ISCA2: variants seen among roughly 807,000 people sequenced by gnomAD.
ISCA2 encodes the protein iron-sulfur cluster assembly 2 homolog, mitochondrial.
Under a neutral mutation model 19.1 loss-of-function variants are expected in ISCA2, and 21 were observed. The ratio of observed to expected loss-of-function variants is 1.10; its 90% CI spans 0.78 to 1.59. ISCA2 has a LOEUF of 1.59. ISCA2 is among the 40% of genes most tolerant of loss of function. The pLI is 0.00. For missense variants in ISCA2, 181 were observed against 191.7 expected (o/e 0.94, Z 0.33); for synonymous variants, 107 against 83.8 (o/e 1.28, Z -1.51).
In ISCA2 at chr14:74,496,366, C is replaced by G. The variant is rs958557379; in HGVS notation, c.*1366C>G. On this transcript the variant is annotated 3_prime_UTR_variant, in exon 4 of 4. Transcript: ENST00000556816. ...AATATCTGAGACAGAAACTTAGATACATTTCCAACATGGCAAAACCTAGGA... is the reference window on the plus strand; with the variant it reads ...AATATCTGAGACAGAAACTTAGATAGATTTCCAACATGGCAAAACCTAGGA... 17 of 152,182 alleles carry G rather than the reference C, an allele frequency of 1.1e-4. No homozygotes were observed. The highest frequency in any genetic ancestry group is 2.1e-4 in the Non-Finnish European group (14 of 68,048). The allele number at this position is 152,182 out of a possible 1,614,324, so 9.4% of individuals were successfully genotyped here. A position where few individuals can be genotyped will look rare whatever the true frequency, so the allele number is the denominator to read the frequency against.
chr14:74,493,951 T>C lies in ISCA2; in HGVS notation c.72-99T>C. The C allele has an allele frequency of 2.7e-6, 4 of 1,466,356 alleles. No homozygotes were observed. The highest frequency in any genetic ancestry group is 3.7e-6 in the Non-Finnish European group (4 of 1,075,094). The allele number at this position is 1,466,356 out of a possible 1,614,324, so 90.8% of individuals were successfully genotyped here. A position where few individuals can be genotyped will look rare whatever the true frequency, so the allele number is the denominator to read the frequency against. ...GATGCGAGGGTTTGGTGGGAGGCCG[T>C]CCAGGTGGGGGTCGCCAGGTTTAGC... On this transcript the variant is annotated intron_variant, in intron 1 of 3. Transcript: ENST00000556816. This position sits in a 1 kb window ranked among gnomAD's most constrained non-coding sequence, Gnocchi z 4.1.
At position 74,493,978 on chromosome 14, in the gene ISCA2, T is replaced by C; in HGVS notation, c.72-72T>C. The C allele has an allele frequency of 6.7e-7, 1 of 1,484,752 alleles. No individual in the cohort carries two copies. Among genetic ancestry groups the C allele is most frequent in the South Asian group, 1.2e-5 (1 of 82,828 alleles). 92.0% of individuals were successfully genotyped at this position (1,484,752 alleles called of 1,614,324 possible). A position where few individuals can be genotyped will look rare whatever the true frequency, so the allele number is the denominator to read the frequency against. On this transcript the variant is annotated intron_variant, in intron 1 of 3. Coordinates refer to ENST00000556816, the MANE Select transcript of ISCA2 (RefSeq NM_194279.4). This position sits in a 1 kb window ranked among gnomAD's most constrained non-coding sequence, Gnocchi z 4.1. The stretch of plus-strand genomic sequence containing the variant: ...CAGGTGGGGGTCGCCAGGTTTAGCG[T>C]GAGGCGCTCCAGGTCGAGGGTTGCA...
Position 74,494,330 on chromosome 14 carries a change from G to A in ISCA2, c.230G>A (p.Gly77Asp), listed in dbSNP as rs934278588. The change falls in exon 3 of 4, where the codon GGT becomes GAT. Residue 77 changes from glycine (G) to aspartate (D), a missense_variant. Gly to Asp is a moderately conservative substitution (Grantham distance 94). Coordinates refer to ENST00000556816, the MANE Select transcript of ISCA2 (RefSeq NM_194279.4). ...TTCCTCAGGCTGCAAGTGGAGGGAGGTGGATGCTCCGGATTCCAATACAAA... is the reference window on the plus strand; with the variant it reads ...TTCCTCAGGCTGCAAGTGGAGGGAGATGGATGCTCCGGATTCCAATACAAA... The part of the protein sequence containing the change: ...SEFLRLQVEG[G>D]GCSGFQYKFS... 1 of 1,614,234 alleles carries A rather than the reference G, an allele frequency of 6.2e-7. No individual in the cohort carries two copies. The highest frequency in any genetic ancestry group is 2.2e-5 in the East Asian group (1 of 44,888).
chr14:74,493,807 C>G lies in ISCA2; in HGVS notation c.33C>G (p.Ala11=), dbSNP rs760280171. The change falls in exon 1 of 4, where the codon GCC becomes GCG. Residue 11 remains alanine (A), a synonymous_variant. Transcript: ENST00000556816. This position sits in a 1 kb window ranked among gnomAD's most constrained non-coding sequence, Gnocchi z 4.1. MAAAWGSSLT[A]ATQRAVTPWP... ...CCGCCTGGGGGTCGTCCCTAACGGCCGCGACGCAGAGAGCGGTCACTCCCT... is the reference window on the plus strand; with the variant it reads ...CCGCCTGGGGGTCGTCCCTAACGGCGGCGACGCAGAGAGCGGTCACTCCCT... 2.6e-6 allele frequency: 4 copies of G among 1,540,568 alleles called. No homozygotes were observed. The Admixed American group carries it at 9.4e-5, about 36-fold the overall frequency.
chr14:74,495,186 C>T lies in ISCA2; in HGVS notation c.*186C>T, dbSNP rs941648840. ...AGATTTTACTCTTGGCTTAATTTTT[C>T]CCTCCACTCAGTGCTAAGGCTGAGC... On this transcript the variant is annotated 3_prime_UTR_variant, in exon 4 of 4. Coordinates refer to ENST00000556816, the MANE Select transcript of ISCA2 (RefSeq NM_194279.4). The T allele has an allele frequency of 5.2e-6, 3 of 578,390 alleles. No individual in the cohort carries two copies. Among genetic ancestry groups the T allele is most frequent in the Admixed American group, 6.4e-5 (2 of 31,330 alleles). The allele number at this position is 578,390 out of a possible 1,614,324, so 35.8% of individuals were successfully genotyped here. A position where few individuals can be genotyped will look rare whatever the true frequency, so the allele number is the denominator to read the frequency against.
Position 74,495,145 on chromosome 14 carries a change from T to A in ISCA2, c.*145T>A, listed in dbSNP as rs2139679421. ...CAGGAGTGTTATGTTTTGCCACTATTATTTTCAGAATGTGAAGATTTTACT... is the reference window on the plus strand; with the variant it reads ...CAGGAGTGTTATGTTTTGCCACTATAATTTTCAGAATGTGAAGATTTTACT... On this transcript the variant is annotated 3_prime_UTR_variant, in exon 4 of 4. Transcript: ENST00000556816. 3.1e-6 allele frequency: 2 copies of A among 648,118 alleles called. No individual in the cohort carries two copies. Among genetic ancestry groups the A allele is most frequent in the South Asian group, 2.1e-5 (1 of 47,506 alleles). The allele number at this position is 648,118 out of a possible 1,614,324, so 40.1% of individuals were successfully genotyped here.
Position 74,494,310 on chromosome 14 carries a change from C to T in ISCA2, c.210C>T (p.Leu70=), listed in dbSNP as rs778801922. 1 of 1,614,168 alleles carries T rather than the reference C, an allele frequency of 6.2e-7. No homozygotes were observed. Among genetic ancestry groups the T allele is most frequent in the South Asian group, 1.1e-5 (1 of 91,086 alleles). Reference sequence around the variant, plus strand: ...AAATCACCGAAGGGTCAGAATTCCTCAGGCTGCAAGTGGAGGGAGGTGGAT... The same window carrying T: ...AAATCACCGAAGGGTCAGAATTCCTTAGGCTGCAAGTGGAGGGAGGTGGAT... The part of the protein sequence containing the change: ...LLEITEGSEF[L]RLQVEGGGCS... The change falls in exon 3 of 4, where the codon CTC becomes CTT. Residue 70 remains leucine (L), a synonymous_variant. Coordinates refer to ENST00000556816, the MANE Select transcript of ISCA2 (RefSeq NM_194279.4).
chr14:74,494,020 C>T (rs1242447009), intron 1 of ISCA2, 30 bp from the exon 2 acceptor site: 4 of 1,522,542 alleles, frequency 2.6e-6, no homozygotes, highest in East Asian at 2.5e-5. Context: ...CCCTTCTGCT[C>T]CCGGGCTCAC....
intron 3 of ISCA2, 75 bp downstream of exon 3, chr14:74,494,465 AT>A (rs1262885838): frequency 2.3e-5 from 25 of 1,077,428 alleles, no homozygotes; most frequent in Non-Finnish European, 3.4e-5. Flanking sequence ...GTGCACTTTT[AT>A]TCCAAATTTA....
Position 74,494,370 on chromosome 14 carries a change from A to T in ISCA2, c.270A>T (p.Thr90=), listed in dbSNP as rs199632894. The T allele has an allele frequency of 6.2e-7, 1 of 1,613,926 alleles. No individual in the cohort carries two copies. The highest frequency in any genetic ancestry group is 1.1e-5 in the South Asian group (1 of 91,082). The change falls in exon 3 of 4, where the codon ACA becomes ACT. Residue 90 remains threonine (T), a synonymous_variant. Coordinates refer to ENST00000556816, the MANE Select transcript of ISCA2 (RefSeq NM_194279.4). The part of the protein sequence containing the change: ...SGFQYKFSLD[T]VINPDDRVFE... ...TCCAATACAAATTTTCACTGGATACAGTTATCAACCCCGACGACAGGCAAG... is the reference window on the plus strand; with the variant it reads ...TCCAATACAAATTTTCACTGGATACTGTTATCAACCCCGACGACAGGCAAG...
rs1170354430 is a variant in ISCA2 at position 74,495,873 on chromosome 14, C to A, written c.*873C>A. On this transcript the variant is annotated 3_prime_UTR_variant, in exon 4 of 4. Coordinates refer to ENST00000556816, the MANE Select transcript of ISCA2 (RefSeq NM_194279.4). The stretch of plus-strand genomic sequence containing the variant: ...AGGATGCCCAGTTAAATTTGAATTT[C>A]AGGTAAATAATTTTTTAGTATGCAT... 6.6e-6 allele frequency: 1 copy of A among 152,146 alleles called. No individual in the cohort carries two copies. The highest frequency in any genetic ancestry group is 2.4e-5 in the African/African-American group (1 of 41,414). 9.4% of individuals were successfully genotyped at this position (152,146 alleles called of 1,614,324 possible).
chr14:74,494,535 T>G (rs750178520), intron 3 of ISCA2, 145 bp downstream of exon 3: 41 of 670,216 alleles, frequency 6.1e-5, no homozygotes, highest in Non-Finnish European at 1.1e-4. Context: ...CAGTAAAGGT[T>G]TGTTGTTCTG....
chr14:74,494,218 A>G lies in ISCA2; in HGVS notation c.175-57A>G, dbSNP rs747908466. The G allele has an allele frequency of 3.1e-6, 5 of 1,589,480 alleles. No homozygotes were observed. The East Asian group carries it at 1.1e-4, about 36-fold the overall frequency. On this transcript the variant is annotated intron_variant, in intron 2 of 3. Coordinates refer to ENST00000556816, the MANE Select transcript of ISCA2 (RefSeq NM_194279.4). Reference sequence around the variant, plus strand: ...GCGGGAGCAGCGGGAACTGCTCTTCACTCAGCCCTTTAACTCCCGTTTCCC... The same window carrying G: ...GCGGGAGCAGCGGGAACTGCTCTTCGCTCAGCCCTTTAACTCCCGTTTCCC...
chr14:74,495,281 T>C lies in ISCA2; in HGVS notation c.*281T>C, dbSNP rs80341268. On this transcript the variant is annotated 3_prime_UTR_variant, in exon 4 of 4. Coordinates refer to ENST00000556816, the MANE Select transcript of ISCA2 (RefSeq NM_194279.4). ...GTATAATCTGTAGAGCCTCCATGGC[T>C]CTAAAATTTGGAATTAACTTCTCTT... is the stretch of plus-strand genomic sequence containing the variant. The C allele has an allele frequency of 7.0e-4, 215 of 305,814 alleles. No homozygotes were observed. Among genetic ancestry groups the C allele is most frequent in the African/African-American group, 4.4e-3 (203 of 46,430 alleles). 18.9% of individuals were successfully genotyped at this position (305,814 alleles called of 1,614,324 possible).
chr14:74,494,250 C>T (rs770416180), intron 2 of ISCA2, 25 bp from the exon 3 acceptor site: 2 of 1,606,220 alleles, frequency 1.2e-6, no homozygotes, highest in South Asian at 2.2e-5. Context: ...TCCCGCTATT[C>T]TTGATCCCCC....
rs763903016 is a variant in ISCA2 at position 74,494,857 on chromosome 14, G to C, written c.322G>C (p.Val108Leu). The C allele has an allele frequency of 6.2e-6, 10 of 1,614,036 alleles. No homozygotes were observed. Among genetic ancestry groups the C allele is most frequent in the Non-Finnish European group, 8.5e-6 (10 of 1,180,034 alleles). The change falls in exon 4 of 4, where the codon GTT becomes CTT. Residue 108 changes from valine (V) to leucine (L), a missense_variant. Transcript: ENST00000556816. ...TGAACAGGGTGGGGCAAGAGTGGTG[G>C]TTGACTCTGATAGCTTGGCCTTCGT... ...VFEQGGARVV[V>L]DSDSLAFVKG...
chr14:74,495,956 ATTTTTATTT>A lies in ISCA2; in HGVS notation c.*957_*965del, dbSNP rs1382816718. On this transcript the variant is annotated 3_prime_UTR_variant, in exon 4 of 4. Coordinates refer to ENST00000556816, the MANE Select transcript of ISCA2 (RefSeq NM_194279.4). ...TATTTGAAATTCAAATTTAACTCAT[ATTTTTATTT>A]GCTGACCTTGGCAACTCTGCTTTAG... The A allele has an allele frequency of 4.6e-5, 7 of 152,326 alleles. No homozygotes were observed. In the East Asian group the frequency reaches 1.3e-3, roughly 29 times the overall value. The allele number at this position is 152,326 out of a possible 1,614,324, so 9.4% of individuals were successfully genotyped here.
chr14:74,494,014 T>C, intron 1 of ISCA2, 36 bp from the exon 2 acceptor site: 1 of 1,519,528 alleles, frequency 6.6e-7, no homozygotes, highest in Non-Finnish European at 8.9e-7. Flanking sequence ...AGGTGCCCCT[T>C]CTGCTCCCGG....
At position 74,494,405 on chromosome 14, in the gene ISCA2, G is replaced by A; in HGVS notation, c.290+15G>A. On this transcript the variant is annotated intron_variant, in intron 3 of 3. Coordinates refer to ENST00000556816, the MANE Select transcript of ISCA2 (RefSeq NM_194279.4). ...CCCGACGACAGGCAAGGAGGAAGGG[G>A]TGGGCCCCCAAAGGAGGTACAGGAG... 2 of 1,589,186 alleles carry A rather than the reference G, an allele frequency of 1.3e-6. No individual in the cohort carries two copies. Among genetic ancestry groups the A allele is most frequent in the East Asian group, 4.5e-5 (2 of 44,762 alleles).
Sources: gnomAD v4.1 joint callset for allele counts on GRCh38, gnomAD v4.1.1 for gene constraint, Gnocchi (gnomAD v3.1) non-coding constraint, MANE v1.5 for transcripts, NCBI Gene and HGNC (gene_info 2026-07-23, HGNC 2026-07-21) for gene names.